CNTNAP2: variants seen among roughly 807,000 people sequenced by gnomAD.
CNTNAP2 encodes the protein contactin associated protein 2, also known as contactin-associated protein-like 2.
A neutral mutation model predicts 155.2 loss-of-function variants in CNTNAP2; 98 were observed. The ratio of observed to expected loss-of-function variants is 0.63; its 90% CI spans 0.54 to 0.75. The LOEUF is 0.75. Among genes scored for constraint, CNTNAP2 ranks in the 30% least tolerant of loss-of-function variants. The pLI is 0.00. For synonymous variants in CNTNAP2, 651 were observed against 631.2 expected, an observed-to-expected ratio of 1.03 and a Z score of -0.47; for missense variants, 1,727 against 1,688.1, an observed-to-expected ratio of 1.02 and a Z score of -0.40.
At chr7:146,267,634 G>A (rs1015557932) in intron 1 of CNTNAP2, among the ~76,000 whole-genome samples, 4 of 152,126 alleles carry the variant, frequency 2.6e-5, no homozygotes, top group African/African-American at 7.2e-5. Flanking sequence ...GAGGACACAG[G>A]GTGAAAGCGC....
intron 18 of CNTNAP2, among the ~76,000 whole-genome samples, chr7:148,210,333 C>T (rs986058050): frequency 6.6e-6 from 1 of 152,140 alleles, no homozygotes; most frequent in Non-Finnish European, 1.5e-5. Flanking sequence ...TTTGCTGTCC[C>T]CAAAACATTC....
intron 18 of CNTNAP2, among the ~76,000 whole-genome samples, chr7:148,204,650 G>C (rs937913862): frequency 2.6e-5 from 4 of 152,104 alleles, no homozygotes; most frequent in African/African-American, 7.2e-5. Flanking sequence ...AGATTCCATT[G>C]TGTTTTTATG....
chr7:146,636,584 C>T (rs1214738040), intron 1 of CNTNAP2, among the ~76,000 whole-genome samples: 1 of 152,168 alleles, frequency 6.6e-6, no homozygotes, highest in African/African-American at 2.4e-5. Context: ...ACAACCTATG[C>T]TCAGATACTA....
intron 1 of CNTNAP2, among the ~76,000 whole-genome samples, chr7:146,268,879 G>C (rs541749104): frequency 5.9e-5 from 9 of 152,154 alleles, no homozygotes; most frequent in Non-Finnish European, 1.0e-4. Flanking sequence ...CCTGTGTTTT[G>C]AGGGTGAAAC....
intron 22 of CNTNAP2, among the ~76,000 whole-genome samples, chr7:148,396,065 T>G (rs887360618): frequency 6.6e-6 from 1 of 152,154 alleles, no homozygotes; most frequent in Non-Finnish European, 1.5e-5. Flanking sequence ...CTGGGGTCTG[T>G]GCATGGAAAT....
intron 10 of CNTNAP2, among the ~76,000 whole-genome samples, chr7:147,433,843 T>C (rs1412815936): frequency 6.6e-6 from 1 of 152,240 alleles, no homozygotes; most frequent in Non-Finnish European, 1.5e-5. Flanking sequence ...TATGTCTTGT[T>C]GTATGACCTT....
At chr7:146,813,825 G>A (rs1487067776) in intron 2 of CNTNAP2, among the ~76,000 whole-genome samples, 2 of 152,104 alleles carry the variant, frequency 1.3e-5, no homozygotes, top group African/African-American at 4.8e-5. Context: ...AGACCCGGTG[G>A]GAAGTAATTG....
rs138831186 is a variant in CNTNAP2, at chr7:147,250,808, G to T, written c.1349-49333G>T. 4.6e-5 allele frequency among the ~76,000 whole-genome samples: 7 copies of T among 152,216 alleles called. No homozygotes were observed. The East Asian group carries it at 1.2e-3, about 25-fold the overall frequency. The stretch of plus-strand genomic sequence containing the variant: ...ACCTCACCCTGGACTTACAAAATCA[G>T]CAATGAGGGGCTCCGGCTGAGCAGT... On this transcript the variant is annotated intron_variant, in intron 8 of 23. Transcript: ENST00000361727.
At chr7:146,497,524 A>G (rs1797236468) in intron 1 of CNTNAP2, among the ~76,000 whole-genome samples, 1 of 151,996 alleles carries the variant, frequency 6.6e-6, no homozygotes, top group Admixed American at 6.6e-5. Flanking sequence ...TTAGTTCCTG[A>G]GTCTACAGTG....
At chr7:147,467,065 A>G (rs560624917) in intron 10 of CNTNAP2, among the ~76,000 whole-genome samples, 47 of 152,322 alleles carry the variant, frequency 3.1e-4, no homozygotes, top group African/African-American at 1.1e-3. Flanking sequence ...CATGTTTGAT[A>G]CTTTTTAAGC....
intron 1 of CNTNAP2, among the ~76,000 whole-genome samples, chr7:146,160,392 A>G (rs553831048): frequency 5.9e-5 from 9 of 152,284 alleles, no homozygotes; most frequent in Non-Finnish European, 1.2e-4. Flanking sequence ...CAAAAAATCA[A>G]TGAATCCAGG....
intron 1 of CNTNAP2, among the ~76,000 whole-genome samples, chr7:146,684,172 C>T (rs761937898): frequency 1.3e-5 from 2 of 152,132 alleles, no homozygotes; most frequent in Non-Finnish European, 2.9e-5. Context: ...TTACACTGGA[C>T]CTGTTGCCCC....
intron 16 of CNTNAP2, among the ~76,000 whole-genome samples, chr7:148,122,115 A>C (rs1804608980): frequency 6.6e-6 from 1 of 152,186 alleles, no homozygotes; most frequent in Admixed American, 6.5e-5. Flanking sequence ...CCACCCTGTG[A>C]AGTGCATACT....
intron 21 of CNTNAP2, among the ~76,000 whole-genome samples, chr7:148,289,498 A>G (rs1797152364): frequency 6.7e-6 from 1 of 149,200 alleles, no homozygotes. Context: ...AATAAACACC[A>G]ACTTACTTGG....
chr7:146,675,932 T>C (rs1353235), intron 1 of CNTNAP2, among the ~76,000 whole-genome samples: 22,508 of 151,946 alleles, frequency 0.15, 4,113 homozygotes, highest in African/African-American at 0.44. Flanking sequence ...TCCATTTCTC[T>C]TGCATACTAG....
At chr7:146,483,310 T>TAC in intron 1 of CNTNAP2, among the ~76,000 whole-genome samples, 1 of 90,470 alleles carries the variant, frequency 1.1e-5, no homozygotes, top group South Asian at 2.9e-4. Context: ...TATATATATA[T>TAC]ATATATATAT....
At chr7:147,614,362 ATATTAT>A (rs1397126281) in intron 12 of CNTNAP2, among the ~76,000 whole-genome samples, 1 of 152,134 alleles carries the variant, frequency 6.6e-6, no homozygotes, top group African/African-American at 2.4e-5. Context: ...TTCTTCTTTA[ATATTAT>A]TCATTAAAGT....
chr7:147,547,638 C>CAA (rs1799765369), intron 11 of CNTNAP2, among the ~76,000 whole-genome samples: 1 of 151,222 alleles, frequency 6.6e-6, no homozygotes, highest in African/African-American at 2.4e-5. Flanking sequence ...TAAACACACA[C>CAA]ACACACACAC....
intron 8 of CNTNAP2, among the ~76,000 whole-genome samples, chr7:147,217,553 C>T (rs1803302007): frequency 6.6e-6 from 1 of 151,804 alleles, no homozygotes; most frequent in African/African-American, 2.4e-5. Context: ...ATTCAATTTG[C>T]TAATATTTTG....
Sources: gnomAD v4.1 joint callset for allele counts (sites outside exome capture counted in the v4.1 genomes callset) on GRCh38, gnomAD v4.1.1 for gene constraint, MANE v1.5 for transcripts, NCBI Gene and HGNC (gene_info 2026-07-23, HGNC 2026-07-21) for gene names.